The following MYO5B variants were observed in gnomAD, a reference collection of about 807,000 sequenced individuals.
MYO5B encodes the protein myosin VB.
In MYO5B, 143 loss-of-function variants were observed where a neutral mutation model predicts 229.3. The ratio of observed to expected loss-of-function variants is 0.62; its 90% CI spans 0.54 to 0.72. MYO5B has a LOEUF of 0.72. Among genes scored for constraint, MYO5B ranks in the 30% least tolerant of loss-of-function variants. The pLI, the probability that MYO5B is intolerant of heterozygous loss-of-function variation, is 0.00. For synonymous variants in MYO5B, 918 were observed against 885.2 expected, an observed-to-expected ratio of 1.04 and a Z score of -0.66; for missense variants, 2,321 against 2,331.0, an observed-to-expected ratio of 1.00 and a Z score of 0.09.
At position 49,894,965 on chromosome 18, in the gene MYO5B, G is replaced by C; in HGVS notation, c.3021C>G (p.Ser1007Arg). 6.2e-7 allele frequency: 1 copy of C among 1,613,342 alleles called. No homozygotes were observed. The highest frequency in any genetic ancestry group is 1.1e-5 in the South Asian group (1 of 91,070). Residue 1007 changes from serine (S) to arginine (R), a missense_variant, in exon 22 of 40, where the codon AGC becomes AGG. Around this residue, in one of 2 missense-constraint regions of MYO5B, gnomAD observed 2,113 missense variants for 2,044.7 expected, o/e 1.03. Transcript: ENST00000285039. ...SERKILEDAH[S>R]REKDELRKRV... ...CCTTCCTCAGCTCATCTTTCTCCCT[G>C]CTGTGGGCGTCCTCCAAGATCTTGC...
At chr18:49,922,641 G>A (rs557225762) in intron 17 of MYO5B, among the ~76,000 whole-genome samples, 1 of 151,960 alleles carries the variant, frequency 6.6e-6, no homozygotes, top group Admixed American at 6.6e-5. Flanking sequence ...TGCTAAGATG[G>A]CAAATGCCAG....
intron 1 of MYO5B, among the ~76,000 whole-genome samples, chr18:50,074,483 G>C (rs1167225806): frequency 6.6e-6 from 1 of 152,152 alleles, no homozygotes; most frequent in East Asian, 1.9e-4. Context: ...TGAGGCTCTT[G>C]AATCCTGCAT....
intron 1 of MYO5B, among the ~76,000 whole-genome samples, chr18:50,187,712 T>A (rs2033168082): frequency 1.3e-5 from 2 of 152,162 alleles, no homozygotes; most frequent in African/African-American, 2.4e-5. Context: ...AGATGAGGTC[T>A]CGCTATGTTG....
rs558030283 is a variant in MYO5B at position 49,985,183 on chromosome 18, A to C, written c.839-358T>G. ...TACAAGTAAAATGTATCCCCACCCT[A>C]GAACCAGACTTCTATGACTTACATA... On this transcript the variant is annotated intron_variant, in intron 7 of 39. Coordinates refer to ENST00000285039, the MANE Select transcript of MYO5B (RefSeq NM_001080467.3). Among the ~76,000 whole-genome samples, 370 of 152,342 alleles carry C rather than the reference A, an allele frequency of 2.4e-3. 3 individuals are homozygous for C. Among genetic ancestry groups the C allele is most frequent in the Middle Eastern group, 6.8e-3 (2 of 294 alleles).
chr18:50,035,038 C>T (rs2026433394), intron 4 of MYO5B, among the ~76,000 whole-genome samples: 1 of 152,184 alleles, frequency 6.6e-6, no homozygotes, highest in Non-Finnish European at 1.5e-5. Flanking sequence ...ACGTCCTCTT[C>T]CCCATAATGG....
chr18:50,131,789 C>G (rs1314350769), intron 1 of MYO5B, among the ~76,000 whole-genome samples: 1 of 152,190 alleles, frequency 6.6e-6, no homozygotes, highest in Non-Finnish European at 1.5e-5. Flanking sequence ...AGTTTCAAAA[C>G]AGCAGGGGAA....
intron 1 of MYO5B, among the ~76,000 whole-genome samples, chr18:50,181,996 T>G (rs530235694): frequency 6.6e-6 from 1 of 152,350 alleles, no homozygotes; most frequent in Admixed American, 6.5e-5. Context: ...TAATGCTTAT[T>G]CATACGACAA....
At chr18:50,023,136 C>A (rs1260457353) in intron 4 of MYO5B, among the ~76,000 whole-genome samples, 44 of 144,602 alleles carry the variant, frequency 3.0e-4, no homozygotes, top group Non-Finnish European at 3.8e-4. Flanking sequence ...CAATGTCTTA[C>A]AAAAAAAAAA....
chr18:49,888,183 G>C (rs377048834), intron 22 of MYO5B, among the ~76,000 whole-genome samples: 2 of 152,114 alleles, frequency 1.3e-5, no homozygotes, highest in African/African-American at 4.8e-5. Context: ...TCTTGGGGGA[G>C]TAAGGGACTC....
rs2025940561 is a variant in MYO5B, at chr18:49,992,224, G to C, written c.756+64C>G. 7 of 1,604,976 alleles carry C rather than the reference G, an allele frequency of 4.4e-6. No homozygotes were observed. In the African/African-American group the frequency reaches 6.7e-5, roughly 15 times the overall value. ...CTCTTTGGGTCCAGGGAGTGGGGCA[G>C]GGAGCAGAAGTAAGGTAATTGTCCA... On this transcript the variant is annotated intron_variant, in intron 6 of 39. Coordinates refer to ENST00000285039, the MANE Select transcript of MYO5B (RefSeq NM_001080467.3).
At chr18:49,882,090 T>C (rs974987741) in intron 22 of MYO5B, among the ~76,000 whole-genome samples, 13 of 152,106 alleles carry the variant, frequency 8.5e-5, no homozygotes, top group Non-Finnish European at 1.5e-4. Context: ...GTGACATGGA[T>C]GAGGACATAG....
intron 33 of MYO5B, 96 bp downstream of exon 33, chr18:49,847,050 G>A: frequency 6.6e-7 from 1 of 1,513,356 alleles, no homozygotes; most frequent in African/African-American, 1.4e-5. Flanking sequence ...TGTGCAGGAG[G>A]TGAAGGAAGG....
intron 2 of MYO5B, among the ~76,000 whole-genome samples, chr18:50,043,394 T>C (rs1414114782): frequency 1.7e-5 from 1 of 58,676 alleles, no homozygotes; most frequent in Non-Finnish European, 3.5e-5. Context: ...TAAATATATT[T>C]AAATATATTA....
At chr18:49,991,435 G>A (rs2025931054) in intron 6 of MYO5B, among the ~76,000 whole-genome samples, 1 of 152,180 alleles carries the variant, frequency 6.6e-6, no homozygotes, top group East Asian at 1.9e-4. Flanking sequence ...TCAGTGATGG[G>A]AGGGTAAAGG....
At chr18:50,154,878 A>C (rs1019597614) in intron 1 of MYO5B, among the ~76,000 whole-genome samples, 2 of 152,162 alleles carry the variant, frequency 1.3e-5, no homozygotes, top group African/African-American at 4.8e-5. Context: ...CTGGAGTCCT[A>C]CCTGACATTG....
At chr18:50,023,055 G>C (rs372039124) in intron 4 of MYO5B, among the ~76,000 whole-genome samples, 24 of 151,962 alleles carry the variant, frequency 1.6e-4, no homozygotes, top group African/African-American at 5.8e-4. Flanking sequence ...AGTTACAAAG[G>C]GTCTTCTAGG....
At chr18:49,988,138 G>A (rs769255501) in intron 7 of MYO5B, among the ~76,000 whole-genome samples, 8 of 152,298 alleles carry the variant, frequency 5.3e-5, no homozygotes, top group Non-Finnish European at 1.2e-4. Flanking sequence ...AGAGACTTGT[G>A]TGCATTTGAA....
chr18:49,859,966 C>G (rs1366664262), intron 29 of MYO5B, among the ~76,000 whole-genome samples: 2 of 152,146 alleles, frequency 1.3e-5, no homozygotes, highest in Non-Finnish European at 2.9e-5. Flanking sequence ...CCGGACAGGC[C>G]CCTGGTGTGT....
intron 4 of MYO5B, among the ~76,000 whole-genome samples, chr18:50,015,173 G>A (rs2026203439): frequency 6.6e-6 from 1 of 152,162 alleles, no homozygotes; most frequent in Non-Finnish European, 1.5e-5. Flanking sequence ...GAAATGTGTG[G>A]GCTTTTTCTC....
Sources: allele counts gnomAD v4.1 joint callset (sites outside exome capture counted in the v4.1 genomes callset), GRCh38; gene constraint gnomAD v4.1.1; regional missense constraint gnomAD v4.1.1; transcripts MANE v1.5; gene names NCBI Gene and HGNC (gene_info 2026-07-23, HGNC 2026-07-21).